Variants in DOCK4 observed in about 807,000 individuals in gnomAD.
The protein encoded by DOCK4 is dedicator of cytokinesis protein 4.
A neutral mutation model predicts 268.1 loss-of-function variants in DOCK4; 97 were observed. The observed-to-expected ratio is 0.36, with a 90% CI of 0.31 to 0.43. DOCK4 has a LOEUF of 0.43. DOCK4 is among the 20% of genes least tolerant of loss of function. DOCK4 has a pLI of 1.00. For synonymous variants in DOCK4, 954 were observed against 887.2 expected (o/e 1.08, Z -1.34); for missense variants, 2,145 against 2,455.7 (o/e 0.87, Z 2.67).
chr7:111,776,879 G>T (rs1217662770), intron 36 of DOCK4, among the ~76,000 whole-genome samples: 1 of 152,128 alleles, frequency 6.6e-6, no homozygotes, highest in Non-Finnish European at 1.5e-5. Context: ...GGAGTGCAGT[G>T]GTGCAATTTT....
At chr7:112,127,325 C>T (rs1194969316) in intron 1 of DOCK4, among the ~76,000 whole-genome samples, 2 of 149,080 alleles carry the variant, frequency 1.3e-5, no homozygotes, top group African/African-American at 5.0e-5. Flanking sequence ...AAACCAAACA[C>T]CGCATGTTCT....
At chr7:112,158,503 C>A (rs1335237997) in intron 1 of DOCK4, among the ~76,000 whole-genome samples, 2 of 152,112 alleles carry the variant, frequency 1.3e-5, no homozygotes, top group Non-Finnish European at 2.9e-5. Context: ...AATACAAGAA[C>A]TGATAAGGTT....
intron 1 of DOCK4, among the ~76,000 whole-genome samples, chr7:112,205,635 T>A (rs547383317): frequency 1.2e-3 from 180 of 152,236 alleles, no homozygotes; most frequent in African/African-American, 4.1e-3. Flanking sequence ...TGCGCCTCCC[T>A]ACTGTTTTGG....
intron 1 of DOCK4, among the ~76,000 whole-genome samples, chr7:112,195,172 G>A (rs368990629): frequency 2.6e-5 from 4 of 152,096 alleles, no homozygotes; most frequent in Admixed American, 1.3e-4. Context: ...CCAGCTACTC[G>A]GGAGGCTGAG....
chr7:111,886,471 G>T (rs1332468494), intron 16 of DOCK4, among the ~76,000 whole-genome samples: 1 of 152,120 alleles, frequency 6.6e-6, no homozygotes, highest in Non-Finnish European at 1.5e-5. Flanking sequence ...TACAACACTG[G>T]GATAAAGACC....
At chr7:112,098,811 T>C (rs6976893) in intron 1 of DOCK4, among the ~76,000 whole-genome samples, 7,990 of 130,742 alleles carry the variant, frequency 0.061, 539 homozygotes, top group East Asian at 0.36. Context: ...CTCATGAGCA[T>C]ATATCTATAT....
chr7:111,979,630 A>T (rs994269573), intron 7 of DOCK4, among the ~76,000 whole-genome samples: 5 of 152,192 alleles, frequency 3.3e-5, no homozygotes, highest in African/African-American at 1.2e-4. Context: ...ATGCTTACTT[A>T]AAAGGGTAAC....
intron 1 of DOCK4, among the ~76,000 whole-genome samples, chr7:112,031,122 T>C (rs1394481169): frequency 6.6e-6 from 1 of 152,150 alleles, no homozygotes; most frequent in Non-Finnish European, 1.5e-5. Context: ...AACAACTAGA[T>C]CAAAGAATCA....
chr7:112,012,483 T>C (rs1340312628), intron 1 of DOCK4, among the ~76,000 whole-genome samples: 3 of 152,206 alleles, frequency 2.0e-5, no homozygotes, highest in Non-Finnish European at 4.4e-5. Flanking sequence ...ACAGTATTAT[T>C]TGTGCAAGGG....
intron 20 of DOCK4, among the ~76,000 whole-genome samples, chr7:111,871,393 A>G (rs59747680): frequency 0.24 from 36,997 of 152,140 alleles, 5,303 homozygotes; most frequent in African/African-American, 0.4. Context: ...AATATTATTC[A>G]TAACTTTTCA....
At position 112,019,300 on chromosome 7, in the gene DOCK4, A is replaced by T. The variant is rs537268111; in HGVS notation, c.38-15169T>A. On this transcript the variant is annotated intron_variant, in intron 1 of 52. Coordinates refer to ENST00000428084, the MANE Select transcript of DOCK4 (RefSeq NM_001363540.2). ...GCTCAAATGACTAAGCATGGCTAGA[A>T]TAAGGTGTACCTGCATGAAAGTACA... is the stretch of plus-strand genomic sequence containing the variant. Among the ~76,000 whole-genome samples, 42 of 152,342 alleles carry T rather than the reference A, an allele frequency of 2.8e-4. No individual in the cohort carries two copies. In the Middle Eastern group the frequency reaches 0.01, roughly 37 times the overall value.
At chr7:111,934,523 G>GTTTTTTTTTTTTTTTTTTTTTTT (rs1183672033) in intron 12 of DOCK4, among the ~76,000 whole-genome samples, 1 of 83,874 alleles carries the variant, frequency 1.2e-5, no homozygotes, top group African/African-American at 4.0e-5. Flanking sequence ...TTTTGTTTTT[G>GTTTTTTTTTTTTTTTTTTTTTTT]TTTTTTTTTT....
chr7:112,062,913 G>A (rs956805764), intron 1 of DOCK4, among the ~76,000 whole-genome samples: 16 of 152,212 alleles, frequency 1.1e-4, no homozygotes, highest in Admixed American at 6.5e-4. Context: ...TCCTGACCTC[G>A]TGATCCGCCT....
At chr7:112,130,817 C>T (rs1813731682) in intron 1 of DOCK4, among the ~76,000 whole-genome samples, 1 of 152,152 alleles carries the variant, frequency 6.6e-6, no homozygotes, top group African/African-American at 2.4e-5. Context: ...AATTTAACAA[C>T]TTTGTTCACT....
At chr7:111,945,610 G>C in intron 9 of DOCK4, 107 bp downstream of exon 9, 1 of 964,852 alleles carries the variant, frequency 1.0e-6, no homozygotes, top group Non-Finnish European at 1.5e-6. Context: ...TTTACATAAA[G>C]TTTAAAAGCA....
intron 36 of DOCK4, among the ~76,000 whole-genome samples, chr7:111,770,981 A>G (rs1798091299): frequency 6.6e-6 from 1 of 152,178 alleles, no homozygotes; most frequent in African/African-American, 2.4e-5. Context: ...AGCTTATACA[A>G]TCTCCTGGTT....
chr7:111,925,873 G>A (rs964681768), intron 12 of DOCK4, among the ~76,000 whole-genome samples: 1 of 152,150 alleles, frequency 6.6e-6, no homozygotes, highest in Non-Finnish European at 1.5e-5. Context: ...AGATCACGAG[G>A]TCAGGAGATC....
At chr7:111,996,182 A>G (rs1269951029) in intron 4 of DOCK4, among the ~76,000 whole-genome samples, 1 of 152,234 alleles carries the variant, frequency 6.6e-6, no homozygotes, top group Non-Finnish European at 1.5e-5. Context: ...ACTATAATTT[A>G]ATTGACCTCC....
At chr7:112,058,024 A>ATTTTTT (rs67991598) in intron 1 of DOCK4, among the ~76,000 whole-genome samples, 11 of 115,050 alleles carry the variant, frequency 9.6e-5, no homozygotes, top group African/African-American at 3.2e-4. Flanking sequence ...TACAGGTTCA[A>ATTTTTT]TTTTTTTTTT....
Sources: gnomAD v4.1 joint callset for allele counts (sites outside exome capture counted in the v4.1 genomes callset) on GRCh38, gnomAD v4.1.1 for gene constraint, MANE v1.5 for transcripts, NCBI Gene and HGNC (gene_info 2026-07-23, HGNC 2026-07-21) for gene names.